Variants in ESRRB observed in about 807,000 individuals in gnomAD.
ESRRB encodes steroid hormone receptor ERR2.
A neutral mutation model predicts 46.0 loss-of-function variants in ESRRB; 16 were observed. The observed-to-expected ratio is 0.35, with a 90% CI of 0.24 to 0.53. The LOEUF (loss-of-function observed/expected upper bound fraction) is 0.53, where lower values mean the gene tolerates loss of function less well. Ranked by LOEUF, ESRRB falls within the 20% of genes least tolerant of loss-of-function variation. ESRRB has a pLI of 0.93. For missense variants in ESRRB, 488 were observed against 607.4 expected, an observed-to-expected ratio of 0.80 and a Z score of 2.07; for synonymous variants, 246 against 259.6, an observed-to-expected ratio of 0.95 and a Z score of 0.50.
At chr14:76,398,649 G>A (rs77051930) in intron 1 of ESRRB, among the ~76,000 whole-genome samples, 3,357 of 152,232 alleles carry the variant, frequency 0.022, 134 homozygotes, top group African/African-American at 0.077. Flanking sequence ...GGGGGCATAC[G>A]TATGGGGTAA....
chr14:76,447,031 C>T (rs1241765653), intron 2 of ESRRB, among the ~76,000 whole-genome samples: 2 of 152,112 alleles, frequency 1.3e-5, no homozygotes, highest in African/African-American at 2.4e-5. Flanking sequence ...AGCTTCCTGC[C>T]GCCAAACCGA....
intron 1 of ESRRB, among the ~76,000 whole-genome samples, chr14:76,418,961 T>C (rs1026270350): frequency 1.3e-5 from 2 of 152,080 alleles, no homozygotes; most frequent in African/African-American, 4.8e-5. Flanking sequence ...GTACTTTGCT[T>C]TTCCATTTTT....
At chr14:76,481,055 G>T (rs2140029106) in intron 3 of ESRRB, among the ~76,000 whole-genome samples, 1 of 152,374 alleles carries the variant, frequency 6.6e-6, no homozygotes, top group Non-Finnish European at 1.5e-5. Context: ...GAAGGCAGAA[G>T]TGGCTTCCAG....
At chr14:76,322,061 A>G (rs1316055345) in intron 1 of ESRRB, among the ~76,000 whole-genome samples, 1 of 152,130 alleles carries the variant, frequency 6.6e-6, no homozygotes, top group African/African-American at 2.4e-5. Context: ...CTTTTGTATC[A>G]TTTACATGTA....
rs1595060670 is a variant in ESRRB at position 76,376,726 on chromosome 14, C to T, written c.50+275C>T. ...TGCACTTTCTCCCTTTCTCTCTCCTCTCTGATCTTGCTCCGGGGTGAGAAA... is the reference window on the plus strand; with the variant it reads ...TGCACTTTCTCCCTTTCTCTCTCCTTTCTGATCTTGCTCCGGGGTGAGAAA... On this transcript the variant is annotated intron_variant, in intron 1 of 6. Coordinates refer to ENST00000644823, the MANE Select transcript of ESRRB (RefSeq NM_001379180.1). This position sits in a 1 kb window ranked among gnomAD's most constrained non-coding sequence, Gnocchi z 4.1. 1.3e-5 allele frequency among the ~76,000 whole-genome samples: 2 copies of T among 152,206 alleles called. No homozygotes were observed. The highest frequency in any genetic ancestry group is 4.8e-5 in the African/African-American group (2 of 41,458).
chr14:76,401,587 T>G (rs1885947460), intron 1 of ESRRB, among the ~76,000 whole-genome samples: 1 of 152,210 alleles, frequency 6.6e-6, no homozygotes, highest in African/African-American at 2.4e-5. Flanking sequence ...TAACACTGCA[T>G]TTTTTACACC....
intron 5 of ESRRB, among the ~76,000 whole-genome samples, chr14:76,483,799 C>T (rs1475695673): frequency 6.6e-6 from 1 of 152,198 alleles, no homozygotes; most frequent in Admixed American, 6.5e-5. Context: ...AAGGTGATTA[C>T]AGCAGACGAT....
intron 2 of ESRRB, among the ~76,000 whole-genome samples, chr14:76,458,734 T>G (rs1464121037): frequency 6.6e-6 from 1 of 151,030 alleles, no homozygotes; most frequent in Non-Finnish European, 1.5e-5. Context: ...GTGAAGCCCA[T>G]GGAGAGCCCT....
At chr14:76,486,160 G>C (rs1341798803) in intron 5 of ESRRB, among the ~76,000 whole-genome samples, 1 of 152,218 alleles carries the variant, frequency 6.6e-6, no homozygotes, top group Non-Finnish European at 1.5e-5. Context: ...ATGAGATCAA[G>C]AGCTAGCTGA....
At chr14:76,386,228 G>C (rs1369969854) in intron 1 of ESRRB, among the ~76,000 whole-genome samples, 1 of 152,164 alleles carries the variant, frequency 6.6e-6, no homozygotes, top group Non-Finnish European at 1.5e-5. Flanking sequence ...TATATTTTCA[G>C]TAGGGCTGTC....
In ESRRB at chr14:76,499,219, C is replaced by G. The variant is rs912065626; in HGVS notation, c.*761C>G. The G allele has an allele frequency of 3.4e-5, 9 of 263,078 alleles. No homozygotes were observed. The highest frequency in any genetic ancestry group is 2.0e-4 in the African/African-American group (9 of 44,538). The allele number at this position is 263,078 out of a possible 1,614,324, so 16.3% of individuals were successfully genotyped here. A position where few individuals can be genotyped will look rare whatever the true frequency, so the allele number is the denominator to read the frequency against. Reference sequence around the variant, plus strand: ...CACTCACCCAGTGGGTTCAGCCAGCCACAGCGACTCCAGGGGCTGTAGACA... The same window carrying G: ...CACTCACCCAGTGGGTTCAGCCAGCGACAGCGACTCCAGGGGCTGTAGACA... On this transcript the variant is annotated 3_prime_UTR_variant, in exon 7 of 7. Transcript: ENST00000644823.
intron 1 of ESRRB, among the ~76,000 whole-genome samples, chr14:76,315,402 CA>C (rs1883787717): frequency 6.6e-6 from 1 of 152,152 alleles, no homozygotes; most frequent in South Asian, 2.1e-4. Flanking sequence ...GCTCTACGGA[CA>C]GTAGAGAGCT....
intron 1 of ESRRB, among the ~76,000 whole-genome samples, chr14:76,337,354 G>A (rs1282444597): frequency 1.3e-5 from 2 of 152,158 alleles, no homozygotes; most frequent in East Asian, 3.9e-4. Flanking sequence ...GTTGCAGGAT[G>A]CAATAGAGGT....
intron 1 of ESRRB, among the ~76,000 whole-genome samples, chr14:76,363,637 G>A (rs1303264465): frequency 6.6e-6 from 1 of 152,192 alleles, no homozygotes; most frequent in Non-Finnish European, 1.5e-5. Flanking sequence ...TAAATACATG[G>A]ACAGTGAGGA....
At chr14:76,400,697 G>A (rs1885903446) in intron 1 of ESRRB, among the ~76,000 whole-genome samples, 2 of 152,166 alleles carry the variant, frequency 1.3e-5, no homozygotes, top group Admixed American at 1.3e-4. Flanking sequence ...GAAACTAGCT[G>A]TCCTCAAGCT....
intron 3 of ESRRB, among the ~76,000 whole-genome samples, chr14:76,464,711 A>G (rs1464395908): frequency 6.6e-6 from 1 of 151,978 alleles, no homozygotes; most frequent in Non-Finnish European, 1.5e-5. Flanking sequence ...TTCATTTTTG[A>G]CTCTATATAA....
At chr14:76,472,252 T>C (rs1889401820) in intron 3 of ESRRB, among the ~76,000 whole-genome samples, 1 of 152,140 alleles carries the variant, frequency 6.6e-6, no homozygotes, top group Non-Finnish European at 1.5e-5. Context: ...TTCTTGGCAG[T>C]TGGGAATGCA....
At chr14:76,392,571 T>C (rs1309341899) in intron 1 of ESRRB, among the ~76,000 whole-genome samples, 1 of 152,184 alleles carries the variant, frequency 6.6e-6, no homozygotes, top group East Asian at 1.9e-4. Flanking sequence ...GAAAACCCAC[T>C]GTTTCTATCA....
intron 1 of ESRRB, among the ~76,000 whole-genome samples, chr14:76,400,242 A>ACACG (rs1885881711): frequency 6.6e-6 from 1 of 152,194 alleles, no homozygotes; most frequent in African/African-American, 2.4e-5. Context: ...TCCTTCTGGG[A>ACACG]AAACTTCTAG....
Sources: gnomAD v4.1 joint callset for allele counts (sites outside exome capture counted in the v4.1 genomes callset) on GRCh38, gnomAD v4.1.1 for gene constraint, Gnocchi (gnomAD v3.1) non-coding constraint, MANE v1.5 for transcripts, NCBI Gene and HGNC (gene_info 2026-07-23, HGNC 2026-07-21) for gene names.